Variants in KCNMB2 observed in about 807,000 individuals in gnomAD.
KCNMB2 encodes potassium calcium-activated channel subfamily M regulatory beta subunit 2.
KCNMB2 carries 9 observed loss-of-function variants against 24.5 expected under a neutral mutation model. The observed-to-expected ratio is 0.37, with a 90% confidence interval of 0.22 to 0.64. The LOEUF is 0.64. Ranked by LOEUF, KCNMB2 falls within the 30% of genes least tolerant of loss-of-function variation. The pLI is 0.63. For synonymous variants in KCNMB2, 109 were observed against 104.4 expected (o/e 1.04, Z -0.27); for missense variants, 226 against 284.3 (o/e 0.79, Z 1.47).
intron 1 of KCNMB2, among the ~76,000 whole-genome samples, chr3:178,712,371 G>A (rs929789541): frequency 1.3e-5 from 2 of 152,184 alleles, no homozygotes; most frequent in African/African-American, 4.8e-5. Flanking sequence ...TCTAGTTGAA[G>A]GAGGTTGCAG....
At chr3:178,643,384 T>C (rs1171727476) in intron 1 of KCNMB2, among the ~76,000 whole-genome samples, 1 of 152,146 alleles carries the variant, frequency 6.6e-6, no homozygotes, top group Admixed American at 6.6e-5. Flanking sequence ...TAAAGTTGTA[T>C]AGCCCTATAT....
chr3:178,728,215 T>C (rs554045869), intron 1 of KCNMB2, among the ~76,000 whole-genome samples: 1 of 152,026 alleles, frequency 6.6e-6, no homozygotes, highest in Non-Finnish European at 1.5e-5. Flanking sequence ...TTAAAGAGAG[T>C]GGGCAGGAAT....
At chr3:178,684,771 C>T (rs936562026) in intron 1 of KCNMB2, among the ~76,000 whole-genome samples, 3 of 152,046 alleles carry the variant, frequency 2.0e-5, no homozygotes, top group African/African-American at 7.3e-5. Context: ...GTGGAGGTTG[C>T]GGTGAGCCGA....
intron 1 of KCNMB2, among the ~76,000 whole-genome samples, chr3:178,758,558 G>T (rs1174668142): frequency 3.9e-5 from 1 of 25,518 alleles, no homozygotes; most frequent in Non-Finnish European, 7.1e-5. Flanking sequence ...ATATCCAAGA[G>T]GAGATATATA....
At chr3:178,560,018 T>C (rs1409308005) in intron 1 of KCNMB2, among the ~76,000 whole-genome samples, 2 of 147,862 alleles carry the variant, frequency 1.4e-5, no homozygotes, top group Non-Finnish European at 3.0e-5. Context: ...ATACACAGCA[T>C]ATTTATTATA....
chr3:178,673,254 G>A (rs544610578), intron 1 of KCNMB2, among the ~76,000 whole-genome samples: 4 of 152,148 alleles, frequency 2.6e-5, no homozygotes, highest in South Asian at 2.1e-4. Flanking sequence ...ACAAGCATAC[G>A]ACAATGGAAG....
chr3:178,646,032 T>A (rs1719911650), intron 1 of KCNMB2, among the ~76,000 whole-genome samples: 1 of 152,200 alleles, frequency 6.6e-6, no homozygotes, highest in Non-Finnish European at 1.5e-5. Context: ...CACATCCATC[T>A]GCATACAGTT....
intron 1 of KCNMB2, among the ~76,000 whole-genome samples, chr3:178,802,480 G>A (rs1713810730): frequency 6.6e-6 from 1 of 152,138 alleles, no homozygotes; most frequent in South Asian, 2.1e-4. Context: ...GCACTGGTAG[G>A]AAGTGAGAAG....
At chr3:178,826,738 T>G (rs1467784047) in intron 3 of KCNMB2, among the ~76,000 whole-genome samples, 2 of 152,336 alleles carry the variant, frequency 1.3e-5, no homozygotes, top group African/African-American at 2.4e-5. Flanking sequence ...AAATTAATAC[T>G]TTCATTTTAG....
At chr3:178,732,690 G>T (rs1723191475) in intron 1 of KCNMB2, among the ~76,000 whole-genome samples, 1 of 152,160 alleles carries the variant, frequency 6.6e-6, no homozygotes. Context: ...CAATGTTAAT[G>T]AATCAATAAT....
At chr3:178,805,796 AT>A (rs1045329490) in intron 1 of KCNMB2, among the ~76,000 whole-genome samples, 1 of 151,622 alleles carries the variant, frequency 6.6e-6, no homozygotes, top group South Asian at 2.1e-4. Flanking sequence ...CACGTGGCTA[AT>A]TTTTTTTATT....
intron 1 of KCNMB2, among the ~76,000 whole-genome samples, chr3:178,553,197 A>C (rs1392209222): frequency 6.6e-6 from 1 of 152,242 alleles, no homozygotes; most frequent in East Asian, 1.9e-4. Context: ...GTTAAGATTT[A>C]TGACAGATAC....
rs74917742 is a variant in KCNMB2, at chr3:178,828,115, G to A, written c.228-63G>A. 230 of 1,213,928 alleles carry A rather than the reference G, an allele frequency of 1.9e-4. 2 individuals are homozygous for A. The East Asian group carries it at 4.7e-3, about 25-fold the overall frequency. 75.2% of individuals were successfully genotyped at this position (1,213,928 alleles called of 1,614,324 possible). On this transcript the variant is annotated intron_variant, in intron 3 of 4. Coordinates refer to ENST00000452583, the MANE Select transcript of KCNMB2 (RefSeq NM_181361.3). ...TCAGGAGATGAGAAATAATTCCCTCGGACTATACCTTTCTCACTATTAGCT... is the reference window on the plus strand; with the variant it reads ...TCAGGAGATGAGAAATAATTCCCTCAGACTATACCTTTCTCACTATTAGCT...
chr3:178,755,911 G>A (rs547273718), intron 1 of KCNMB2, among the ~76,000 whole-genome samples: 13 of 152,262 alleles, frequency 8.5e-5, no homozygotes, highest in African/African-American at 3.1e-4. Context: ...GATATAGAAT[G>A]AGAAACACAA....
At chr3:178,576,528 G>T (rs1446495132) in intron 1 of KCNMB2, among the ~76,000 whole-genome samples, 45 of 152,140 alleles carry the variant, frequency 3.0e-4, no homozygotes, top group Non-Finnish European at 1.5e-5. Flanking sequence ...CTGAAGCCAG[G>T]GAGCCAAGTG....
At chr3:178,666,631 T>C (rs1003038652) in intron 1 of KCNMB2, among the ~76,000 whole-genome samples, 2 of 152,174 alleles carry the variant, frequency 1.3e-5, no homozygotes, top group East Asian at 3.8e-4. Context: ...GAAAATCTTA[T>C]TTCACTTCTA....
intron 1 of KCNMB2, among the ~76,000 whole-genome samples, chr3:178,643,012 T>C (rs1363292503): frequency 6.6e-6 from 1 of 152,220 alleles, no homozygotes; most frequent in African/African-American, 2.4e-5. Flanking sequence ...GACACTGAGC[T>C]CCAGCTATGT....
chr3:178,750,970 T>C (rs1298193445), intron 1 of KCNMB2, among the ~76,000 whole-genome samples: 2 of 152,166 alleles, frequency 1.3e-5, no homozygotes, highest in East Asian at 3.9e-4. Context: ...GAGGAGTAGA[T>C]TAATCTACCC....
At chr3:178,815,663 G>A (rs1227031746) in intron 2 of KCNMB2, among the ~76,000 whole-genome samples, 1 of 151,714 alleles carries the variant, frequency 6.6e-6, no homozygotes, top group Non-Finnish European at 1.5e-5. Context: ...GTTTACTATA[G>A]GTATTTCTTC....
Sources: allele counts gnomAD v4.1 joint callset (sites outside exome capture counted in the v4.1 genomes callset), GRCh38; gene constraint gnomAD v4.1.1; transcripts MANE v1.5; gene names NCBI Gene and HGNC (gene_info 2026-07-23, HGNC 2026-07-21).